The following VEPH1 variants were observed in gnomAD, a reference collection of about 807,000 sequenced individuals.
VEPH1 encodes ventricular zone-expressed PH domain-containing protein homolog 1.
VEPH1 carries 80 observed loss-of-function variants against 85.2 expected under a neutral mutation model. The observed-to-expected ratio is 0.94, with a 90% CI of 0.78 to 1.13. VEPH1 has a LOEUF of 1.13. Ranked by LOEUF, VEPH1 falls within the 50% of genes most tolerant of loss-of-function variation. VEPH1 has a pLI of 0.00. For missense variants in VEPH1, 955 were observed against 980.5 expected (o/e 0.97, Z 0.35); for synonymous variants, 297 against 348.0 (o/e 0.85, Z 1.63).
chr3:157,279,651 G>C (rs1349400439), intron 12 of VEPH1, among the ~76,000 whole-genome samples: 1 of 152,116 alleles, frequency 6.6e-6, no homozygotes, highest in Non-Finnish European at 1.5e-5. Flanking sequence ...TTTCTGAGAA[G>C]GTGGGAAGGA....
intron 9 of VEPH1, among the ~76,000 whole-genome samples, chr3:157,333,545 CT>C (rs1437548933): frequency 6.6e-6 from 1 of 152,164 alleles, no homozygotes; most frequent in African/African-American, 2.4e-5. Context: ...ACATACCTCT[CT>C]ATATATTTGC....
At chr3:157,322,627 A>G (rs1721470396) in intron 9 of VEPH1, among the ~76,000 whole-genome samples, 1 of 152,210 alleles carries the variant, frequency 6.6e-6, no homozygotes, top group South Asian at 2.1e-4. Flanking sequence ...AGGGCTGTCC[A>G]GAGCAGGGCT....
In VEPH1 at chr3:157,495,206, AC is replaced by A. The variant is rs1394826448; in HGVS notation, c.138+5del. The A allele has an allele frequency of 6.2e-7, 1 of 1,613,458 alleles. No individual in the cohort carries two copies. Among genetic ancestry groups the A allele is most frequent in the Non-Finnish European group, 8.5e-7 (1 of 1,179,698 alleles). On this transcript the variant is annotated splice_donor_5th_base_variant and intron_variant, in intron 2 of 13. Coordinates refer to ENST00000362010, the MANE Select transcript of VEPH1 (RefSeq NM_001167912.2). ...AGAGATGTAGTCTATAAACCAGTTTACTTACTGAAGATGAGCTAATTATCTT... is the reference window on the plus strand; with the variant it reads ...AGAGATGTAGTCTATAAACCAGTTTATTACTGAAGATGAGCTAATTATCTT...
At chr3:157,408,978 G>A (rs1273373795) in intron 6 of VEPH1, among the ~76,000 whole-genome samples, 1 of 152,120 alleles carries the variant, frequency 6.6e-6, no homozygotes, top group Non-Finnish European at 1.5e-5. Flanking sequence ...AAGACTTTGT[G>A]TGAGGAAGTA....
At chr3:157,378,838 G>A (rs1728444291) in intron 7 of VEPH1, among the ~76,000 whole-genome samples, 1 of 151,982 alleles carries the variant, frequency 6.6e-6, no homozygotes. Context: ...ACATATCTCT[G>A]GGTGTTCATC....
chr3:157,497,125 C>T (rs777538015), intron 1 of VEPH1, among the ~76,000 whole-genome samples: 3 of 152,140 alleles, frequency 2.0e-5, no homozygotes, highest in Non-Finnish European at 2.9e-5. Flanking sequence ...AAGTTCATAA[C>T]CATTATGAAA....
chr3:157,446,164 G>A (rs1356685675), intron 4 of VEPH1, among the ~76,000 whole-genome samples: 1 of 151,712 alleles, frequency 6.6e-6, no homozygotes, highest in Non-Finnish European at 1.5e-5. Flanking sequence ...AAAGATGTAT[G>A]TGTAATAAAT....
chr3:157,267,330 C>T (rs1451077312), intron 12 of VEPH1, among the ~76,000 whole-genome samples: 1 of 149,398 alleles, frequency 6.7e-6, no homozygotes, highest in African/African-American at 2.5e-5. Flanking sequence ...CTCCTGGCCT[C>T]AGGTGATCCA....
intron 5 of VEPH1, chr3:157,415,151 A>G (rs1257656381): frequency 6.6e-6 from 1 of 152,096 alleles, no homozygotes; most frequent in East Asian, 1.9e-4. Flanking sequence ...CCAAGCAATC[A>G]TCATGTCCTG....
At position 157,422,320 on chromosome 3, in the gene VEPH1, C is replaced by T. The variant is rs144318336; in HGVS notation, c.696+6002G>A. The stretch of plus-strand genomic sequence containing the variant: ...AAAAGCCACCTCACCCACCAAGTCA[C>T]CCTTTGGTACCACCACTGTTCTTAA... On this transcript the variant is annotated intron_variant, in intron 5 of 13. Coordinates refer to ENST00000362010, the MANE Select transcript of VEPH1 (RefSeq NM_001167912.2). Among the ~76,000 whole-genome samples, 416 of 152,316 alleles carry T rather than the reference C, an allele frequency of 2.7e-3. 1 individual carries two copies. Among genetic ancestry groups the T allele is most frequent in the African/African-American group, 9.8e-3 (408 of 41,572 alleles).
intron 2 of VEPH1, among the ~76,000 whole-genome samples, chr3:157,490,551 T>A (rs917565291): frequency 2.6e-5 from 4 of 151,192 alleles, no homozygotes; most frequent in African/African-American, 9.7e-5. Context: ...ATGAGAGGAG[T>A]GTATATTTAA....
At chr3:157,463,624 T>A (rs994603192) in intron 3 of VEPH1, among the ~76,000 whole-genome samples, 9 of 152,164 alleles carry the variant, frequency 5.9e-5, no homozygotes, top group Non-Finnish European at 1.3e-4. Flanking sequence ...GTGCTCAGCT[T>A]TAGAAGTCAG....
At chr3:157,353,129 GT>G (rs1202887960) in intron 9 of VEPH1, among the ~76,000 whole-genome samples, 4 of 152,138 alleles carry the variant, frequency 2.6e-5, no homozygotes, top group African/African-American at 9.7e-5. Flanking sequence ...TTATTACCTA[GT>G]TCCAAGTTAC....
chr3:157,340,221 A>C (rs1358780098), intron 9 of VEPH1, among the ~76,000 whole-genome samples: 1 of 152,164 alleles, frequency 6.6e-6, no homozygotes. Context: ...AAGCAGGGTG[A>C]GTCATCACCT....
At chr3:157,379,714 C>G (rs1353892844) in intron 7 of VEPH1, among the ~76,000 whole-genome samples, 1 of 152,178 alleles carries the variant, frequency 6.6e-6, no homozygotes, top group Non-Finnish European at 1.5e-5. Flanking sequence ...CCAAAAAACC[C>G]ACAGAATTTG....
At chr3:157,344,139 A>G (rs1036082923) in intron 9 of VEPH1, among the ~76,000 whole-genome samples, 2 of 152,206 alleles carry the variant, frequency 1.3e-5, no homozygotes, top group Admixed American at 1.3e-4. Context: ...GCTCTCTCTC[A>G]CCACTCCTAT....
At chr3:157,341,929 T>G (rs1723614985) in intron 9 of VEPH1, among the ~76,000 whole-genome samples, 1 of 151,992 alleles carries the variant, frequency 6.6e-6, no homozygotes, top group South Asian at 2.1e-4. Flanking sequence ...CAAACTAAAC[T>G]TCATAAGTGA....
At chr3:157,495,988 T>A (rs1739634608) in intron 1 of VEPH1, among the ~76,000 whole-genome samples, 1 of 152,238 alleles carries the variant, frequency 6.6e-6, no homozygotes, top group South Asian at 2.1e-4. Context: ...GCTGCCTTGC[T>A]ACGCTAGCAG....
At chr3:157,297,548 T>C (rs1718285527) in intron 11 of VEPH1, among the ~76,000 whole-genome samples, 1 of 152,056 alleles carries the variant, frequency 6.6e-6, no homozygotes, top group Admixed American at 6.6e-5. Context: ...TGTAATGTGA[T>C]TTACAAATGG....
Sources: gnomAD v4.1 joint callset for allele counts (sites outside exome capture counted in the v4.1 genomes callset) on GRCh38, gnomAD v4.1.1 for gene constraint, MANE v1.5 for transcripts, NCBI Gene and HGNC (gene_info 2026-07-23, HGNC 2026-07-21) for gene names.